Variants in IPO11 observed in about 807,000 individuals in gnomAD.
IPO11 encodes the protein importin-11.
Under a neutral mutation model 143.2 loss-of-function variants are expected in IPO11, and 66 were observed. The observed-to-expected ratio is 0.46, with a 90% confidence interval of 0.38 to 0.57. The LOEUF (loss-of-function observed/expected upper bound fraction) is 0.57. Ranked by LOEUF, IPO11 falls within the 20% of genes least tolerant of loss-of-function variation. The probability of loss-of-function intolerance (pLI) is 0.00; values close to 1 mark genes in which losing one functional copy is unlikely to be tolerated. For missense variants in IPO11, 1,026 were observed against 1,141.0 expected (o/e 0.90, Z 1.45); for synonymous variants, 385 against 377.8 (o/e 1.02, Z -0.22).
At chr5:62,476,598 C>G in intron 8 of IPO11, 85 bp from the exon 9 acceptor site, 1 of 1,342,382 alleles carries the variant, frequency 7.4e-7, no homozygotes, top group Non-Finnish European at 1.0e-6. Flanking sequence ...AAAATAAAAC[C>G]AGCAATATTA....
intron 2 of IPO11, among the ~76,000 whole-genome samples, chr5:62,439,435 C>T (rs1398748954): frequency 4.0e-5 from 6 of 151,616 alleles, no homozygotes; most frequent in Non-Finnish European, 8.8e-5. Context: ...TACAGGTGCC[C>T]GCCACCACGC....
chr5:62,482,825 C>T (rs1213159905), intron 9 of IPO11, among the ~76,000 whole-genome samples: 3 of 151,992 alleles, frequency 2.0e-5, no homozygotes, highest in Non-Finnish European at 4.4e-5. Context: ...ATCATATTCA[C>T]CCATTGTTAT....
chr5:62,566,287 T>A (rs934688219), intron 27 of IPO11, among the ~76,000 whole-genome samples: 11 of 152,288 alleles, frequency 7.2e-5, no homozygotes, highest in African/African-American at 2.6e-4. Flanking sequence ...CTCGCCAGCA[T>A]CTACTGTTTC....
chr5:62,585,617 A>G (rs1297766663), intron 27 of IPO11, among the ~76,000 whole-genome samples: 3 of 152,202 alleles, frequency 2.0e-5, no homozygotes, highest in Non-Finnish European at 4.4e-5. Flanking sequence ...ACTGAAAGGT[A>G]TAAACTTTTG....
At chr5:62,609,560 GAC>G (rs1745856187) in intron 29 of IPO11, among the ~76,000 whole-genome samples, 1 of 152,238 alleles carries the variant, frequency 6.6e-6, no homozygotes, top group East Asian at 1.9e-4. Flanking sequence ...ATGAATGAGA[GAC>G]ACAGTCCCTG....
intron 27 of IPO11, among the ~76,000 whole-genome samples, chr5:62,574,766 T>A (rs1041798599): frequency 6.6e-6 from 1 of 152,188 alleles, no homozygotes; most frequent in African/African-American, 2.4e-5. Context: ...TCAGAATGAC[T>A]GTGTAACAGG....
intron 6 of IPO11, 56 bp from the exon 7 acceptor site, chr5:62,470,194 T>C: frequency 6.6e-7 from 1 of 1,506,228 alleles, no homozygotes; most frequent in Admixed American, 1.7e-5. Context: ...TTTCTTGTGA[T>C]TGTAATTTTA....
At chr5:62,460,443 A>G (rs1185772105) in intron 5 of IPO11, among the ~76,000 whole-genome samples, 2 of 152,216 alleles carry the variant, frequency 1.3e-5, no homozygotes, top group Non-Finnish European at 2.9e-5. Flanking sequence ...GGGCATCTAT[A>G]GCGAATATTT....
intron 24 of IPO11, among the ~76,000 whole-genome samples, chr5:62,540,136 G>A (rs1318392399): frequency 6.6e-6 from 1 of 152,136 alleles, no homozygotes; most frequent in East Asian, 1.9e-4. Context: ...TGAAAGACAA[G>A]GAATCCATAA....
chr5:62,526,474 A>T, intron 21 of IPO11: 1 of 356,564 alleles, frequency 2.8e-6, no homozygotes, highest in Non-Finnish European at 5.1e-6. Context: ...ATAGGAACTC[A>T]GCTGCATTTC....
At chr5:62,623,776 A>T (rs1439458180) in intron 29 of IPO11, among the ~76,000 whole-genome samples, 1 of 151,000 alleles carries the variant, frequency 6.6e-6, no homozygotes, top group Non-Finnish European at 1.5e-5. Flanking sequence ...CACCATGGCC[A>T]GCTAATTTTT....
At chr5:62,578,101 C>T (rs1396650196) in intron 27 of IPO11, among the ~76,000 whole-genome samples, 1 of 152,078 alleles carries the variant, frequency 6.6e-6, no homozygotes, top group Non-Finnish European at 1.5e-5. Flanking sequence ...CTCTTTTACT[C>T]TCCCCAATTT....
At chr5:62,492,633 T>A (rs1746660094) in intron 15 of IPO11, among the ~76,000 whole-genome samples, 1 of 152,158 alleles carries the variant, frequency 6.6e-6, no homozygotes, top group South Asian at 2.1e-4. Context: ...AATCTCTGCT[T>A]CCTGGGCTCA....
In IPO11 at chr5:62,420,814, C is replaced by CT. The variant is rs747930980; in HGVS notation, c.-7+7886dup. On this transcript the variant is annotated intron_variant, in intron 1 of 29. Transcript: ENST00000325324. ...CAGGCTGGTCTTGAACTCCTGCACTCTAAGTGATCCACCCGCCTCAGCCTT... is the reference window on the plus strand; with the variant it reads ...CAGGCTGGTCTTGAACTCCTGCACTCTTAAGTGATCCACCCGCCTCAGCCTT... Among the ~76,000 whole-genome samples, 17 of 152,252 alleles carry CT rather than the reference C, an allele frequency of 1.1e-4. No homozygotes were observed. In the East Asian group the frequency reaches 2.1e-3, roughly 19 times the overall value.
intron 28 of IPO11, among the ~76,000 whole-genome samples, chr5:62,598,908 A>G (rs1745395427): frequency 6.6e-6 from 1 of 152,106 alleles, no homozygotes; most frequent in Non-Finnish European, 1.5e-5. Flanking sequence ...AAAAATCATT[A>G]TTAAACAATT....
chr5:62,425,315 T>C (rs1041679211), intron 1 of IPO11, among the ~76,000 whole-genome samples: 6 of 152,146 alleles, frequency 3.9e-5, no homozygotes, highest in Non-Finnish European at 7.4e-5. Context: ...ACTATTCAAT[T>C]TATTTTATTT....
At chr5:62,526,713 A>G (rs1742380368) in intron 21 of IPO11, 1 of 153,622 alleles carries the variant, frequency 6.5e-6, no homozygotes, top group Non-Finnish European at 1.4e-5. Flanking sequence ...AAGAGGTTAA[A>G]AAAAATGCCC....
intron 1 of IPO11, among the ~76,000 whole-genome samples, chr5:62,420,606 G>T (rs1197980067): frequency 6.6e-6 from 1 of 150,798 alleles, no homozygotes; most frequent in African/African-American, 2.4e-5. Context: ...TTGAGACAGG[G>T]TCTCACTCTG....
intron 12 of IPO11, 56 bp downstream of exon 12, chr5:62,485,518 C>A (rs1746365685): frequency 1.5e-6 from 2 of 1,320,024 alleles, no homozygotes; most frequent in African/African-American, 2.9e-5. Flanking sequence ...TTCTAAAGCT[C>A]TTAGTAGAGA....
Sources: gnomAD v4.1 joint callset for allele counts (sites outside exome capture counted in the v4.1 genomes callset) on GRCh38, gnomAD v4.1.1 for gene constraint, MANE v1.5 for transcripts, NCBI Gene and HGNC (gene_info 2026-07-23, HGNC 2026-07-21) for gene names.